INTS6: variants seen among roughly 807,000 people sequenced by gnomAD.
INTS6 encodes integrator complex subunit 6.
Under a neutral mutation model 104.9 loss-of-function variants are expected in INTS6, and 16 were observed. The observed-to-expected ratio is 0.15, with a 90% CI of 0.10 to 0.23. The LOEUF (loss-of-function observed/expected upper bound fraction) is 0.23. INTS6 is among the 10% of genes least tolerant of loss of function. INTS6 has a pLI of 1.00. For missense variants in INTS6, 584 were observed against 1,062.8 expected, an observed-to-expected ratio of 0.55 and a Z score of 6.26; for synonymous variants, 324 against 358.7, an observed-to-expected ratio of 0.90 and a Z score of 1.09.
the INTS6 span, among the ~76,000 whole-genome samples, chr13:51,346,099 G>A: frequency 1.4e-4 from 21 of 152,278 alleles, no homozygotes; most frequent in South Asian, 1.5e-3. Flanking sequence ...AGGAGGAGTC[G>A]GTGAGGATTT....
At chr13:51,396,984 C>CA (rs1404144123) in intron 4 of INTS6, among the ~76,000 whole-genome samples, 1 of 152,074 alleles carries the variant, frequency 6.6e-6, no homozygotes, top group Non-Finnish European at 1.5e-5. Flanking sequence ...TTACCACTTA[C>CA]AAATTTTTTA....
At chr13:51,435,993 A>ATTTCAGTAAGATTATTAT (rs1952678749) in intron 3 of INTS6, among the ~76,000 whole-genome samples, 1 of 152,132 alleles carries the variant, frequency 6.6e-6, no homozygotes, top group Admixed American at 6.5e-5. Flanking sequence ...TTTGTTTTAG[A>ATTTCAGTAAGATTATTAT]TTTCAGTAAG....
chr13:51,402,061 G>A (rs764096726), intron 4 of INTS6, among the ~76,000 whole-genome samples: 6 of 152,046 alleles, frequency 3.9e-5, no homozygotes, highest in Non-Finnish European at 8.8e-5. Context: ...ACGGTCCTAT[G>A]CTTTTCCCCT....
intron 3 of INTS6, among the ~76,000 whole-genome samples, chr13:51,356,200 A>G (rs1955479332): frequency 6.6e-6 from 1 of 152,178 alleles, no homozygotes; most frequent in Non-Finnish European, 1.5e-5. Context: ...GCAATAGTCA[A>G]GTTTGGGCAT....
intron 4 of INTS6, among the ~76,000 whole-genome samples, chr13:51,412,212 T>C (rs1956702037): frequency 6.6e-6 from 1 of 152,100 alleles, no homozygotes; most frequent in African/African-American, 2.4e-5. Flanking sequence ...TTTTATACTA[T>C]TGTTGTAGTA....
the INTS6 span, chr13:51,340,995 G>T: frequency 1.4e-6 from 2 of 1,411,422 alleles, no homozygotes; most frequent in Non-Finnish European, 9.7e-7. Flanking sequence ...AGAGCTGGGG[G>T]TCCCAGTCCT....
the INTS6 span, among the ~76,000 whole-genome samples, chr13:51,345,557 T>C: frequency 3.1e-5 from 4 of 128,952 alleles, no homozygotes; most frequent in African/African-American, 1.2e-4. Flanking sequence ...ACTGCGTCAC[T>C]GCACTCCAGC....
chr13:51,432,234 T>A (rs1208557569), intron 3 of INTS6, among the ~76,000 whole-genome samples: 1 of 152,176 alleles, frequency 6.6e-6, no homozygotes, highest in African/African-American at 2.4e-5. Context: ...ATAAGGTAAA[T>A]AAAATGTTTC....
the INTS6 span, among the ~76,000 whole-genome samples, chr13:51,344,791 G>A: frequency 6.6e-6 from 1 of 152,146 alleles, no homozygotes; most frequent in African/African-American, 2.4e-5. Context: ...GACCCCACAG[G>A]CTTTCTCCCA....
At chr13:51,440,342 TG>T (rs1264097281) in intron 3 of INTS6, 6 of 152,170 alleles carry the variant, frequency 3.9e-5, no homozygotes, top group Non-Finnish European at 8.8e-5. Flanking sequence ...CAGCTATGTT[TG>T]TATCTTAAAT....
At chr13:51,415,119 G>A (rs1212455702) in intron 4 of INTS6, among the ~76,000 whole-genome samples, 1 of 151,206 alleles carries the variant, frequency 6.6e-6, no homozygotes, top group Non-Finnish European at 1.5e-5. Context: ...TGACAAGTAT[G>A]AGAGTTTTTT....
chr13:51,412,080 C>CACTGT (rs1386870351), intron 4 of INTS6, among the ~76,000 whole-genome samples: 1 of 152,060 alleles, frequency 6.6e-6, no homozygotes. Context: ...TTTTTGTGTC[C>CACTGT]ACTGTATAAT....
chr13:51,436,322 G>GT lies in INTS6; in HGVS notation c.340-5940dup, dbSNP rs1489983264. The GT allele has an allele frequency of 2.6e-5, 4 of 152,084 alleles. No homozygotes were observed. The East Asian group carries it at 7.7e-4, about 29-fold the overall frequency. The allele number at this position is 152,084 out of a possible 1,614,324, so 9.4% of individuals were successfully genotyped here. A position where few individuals can be genotyped will look rare whatever the true frequency, so the allele number is the denominator to read the frequency against. On this transcript the variant is annotated intron_variant, in intron 3 of 17. Transcript: ENST00000311234. ...AAATCTGCTAGAATATAAAAATCTG[G>GT]TAACAGAATACATTAAGGTCTACAG...
the INTS6 span, among the ~76,000 whole-genome samples, chr13:51,338,040 A>T: frequency 6.6e-6 from 1 of 152,084 alleles, no homozygotes; most frequent in Non-Finnish European, 1.5e-5. Flanking sequence ...CTGTATGTTA[A>T]ATTTCCCTAG....
At chr13:51,429,785 A>AAAAAAAAATATATATATATAT (rs1156333077) in intron 4 of INTS6, among the ~76,000 whole-genome samples, 1 of 92,358 alleles carries the variant, frequency 1.1e-5, no homozygotes. Context: ...AAAAAAAAAA[A>AAAAAAAAATATATATATATAT]ATATATATAT....
At chr13:51,431,411 G>T (rs1332957032) in intron 3 of INTS6, among the ~76,000 whole-genome samples, 1 of 152,122 alleles carries the variant, frequency 6.6e-6, no homozygotes, top group Non-Finnish European at 1.5e-5. Context: ...TTATGTCTGG[G>T]ATGAAGACTA....
At chr13:51,412,931 G>A (rs1260967452) in intron 4 of INTS6, among the ~76,000 whole-genome samples, 1 of 152,158 alleles carries the variant, frequency 6.6e-6, no homozygotes, top group Non-Finnish European at 1.5e-5. Flanking sequence ...CCCTCAGTAG[G>A]TAACACTGAA....
intron 4 of INTS6, chr13:51,402,857 A>G (rs2137996686): frequency 6.6e-6 from 1 of 152,326 alleles, no homozygotes; most frequent in Middle Eastern, 3.4e-3. Context: ...GGTATGCTCA[A>G]TTTTATGTAC....
the INTS6 span, among the ~76,000 whole-genome samples, chr13:51,339,026 C>T: frequency 1.3e-5 from 2 of 152,220 alleles, no homozygotes; most frequent in Non-Finnish European, 2.9e-5. Flanking sequence ...AGAACCTGCT[C>T]ATATTTTTCA....
Sources: allele counts gnomAD v4.1 joint callset (sites outside exome capture counted in the v4.1 genomes callset), GRCh38; gene constraint gnomAD v4.1.1; transcripts MANE v1.5; gene names NCBI Gene and HGNC (gene_info 2026-07-23, HGNC 2026-07-21).